The following BRINP2 variants were observed in gnomAD, a reference collection of about 807,000 sequenced individuals.
The protein encoded by BRINP2 is BMP/retinoic acid-inducible neural-specific protein 2.
A neutral mutation model predicts 69.2 loss-of-function variants in BRINP2; 21 were observed. The observed-to-expected ratio is 0.30, with a 90% CI of 0.22 to 0.44. The LOEUF is 0.44. BRINP2 is among the 20% of genes least tolerant of loss of function. BRINP2 has a pLI of 1.00. For missense variants in BRINP2, 877 were observed against 986.0 expected, an observed-to-expected ratio of 0.89 and a Z score of 1.48; for synonymous variants, 380 against 394.1, an observed-to-expected ratio of 0.96 and a Z score of 0.42.
At position 177,276,505 on chromosome 1, in the gene BRINP2, C is replaced by A. The variant is rs951827936; in HGVS notation, c.1012+71C>A. On this transcript the variant is annotated intron_variant, in intron 6 of 7. Coordinates refer to ENST00000361539, the MANE Select transcript of BRINP2 (RefSeq NM_021165.4). Reference sequence around the variant, plus strand: ...GTACAGAGCAAGAACATGGGGAGAACAAAACTTGAGAGTTGAGGATCCTCA... The same window carrying A: ...GTACAGAGCAAGAACATGGGGAGAAAAAAACTTGAGAGTTGAGGATCCTCA... The A allele has an allele frequency of 5.0e-6, 7 of 1,410,930 alleles. No homozygotes were observed. The African/African-American group carries it at 7.1e-5, about 14-fold the overall frequency. 87.4% of individuals were successfully genotyped at this position (1,410,930 alleles called of 1,614,324 possible). A position where few individuals can be genotyped will look rare whatever the true frequency, so the allele number is the denominator to read the frequency against.
At chr1:177,175,002 T>G (rs983486176) in intron 1 of BRINP2, among the ~76,000 whole-genome samples, 9 of 152,184 alleles carry the variant, frequency 5.9e-5, no homozygotes, top group African/African-American at 2.2e-4. Flanking sequence ...CAAGCAAATT[T>G]TAAGAGAACA....
intron 4 of BRINP2, among the ~76,000 whole-genome samples, chr1:177,267,395 C>T (rs1651163029): frequency 6.6e-6 from 1 of 152,204 alleles, no homozygotes; most frequent in African/African-American, 2.4e-5. Flanking sequence ...CCATACTTTT[C>T]TGTACCTCGA....
Position 177,273,586 on chromosome 1 carries a change from G to A in BRINP2, c.768G>A (p.Gln256=), listed in dbSNP as rs764420693. ...TACAGAGTCCAGAGAACAAAGTACAGTTACTTGGTAAGCAGCACTATGATG... is the reference window on the plus strand; with the variant it reads ...TACAGAGTCCAGAGAACAAAGTACAATTACTTGGTAAGCAGCACTATGATG... The part of the protein sequence containing the change: ...VLVQSPENKV[Q]LLGLQVLLPE... Residue 256 remains glutamine (Q), a synonymous_variant, in exon 5 of 8, where the codon CAG becomes CAA. Transcript: ENST00000361539. The A allele has an allele frequency of 1.3e-6, 2 of 1,578,662 alleles. No homozygotes were observed. The highest frequency in any genetic ancestry group is 1.2e-5 in the South Asian group (1 of 86,518).
rs532244642 is a variant in BRINP2, at chr1:177,280,824, A to G, written c.1648A>G (p.Met550Val). 8.1e-6 allele frequency: 13 copies of G among 1,613,954 alleles called. No individual in the cohort carries two copies. Among genetic ancestry groups the G allele is most frequent in the Non-Finnish European group, 1.0e-5 (12 of 1,179,982 alleles). ...SWFDPSWRKR[M>V]LLTLKSNKYK... The stretch of plus-strand genomic sequence containing the variant: ...GTTTGACCCTTCCTGGAGGAAGCGC[A>G]TGCTGCTCACCCTGAAGAGCAACAA... Residue 550 changes from methionine to valine, a missense_variant, in exon 8 of 8, where the codon ATG becomes GTG. Around this residue, in one of 3 missense-constraint regions of BRINP2, gnomAD observed 86 missense variants for 142.1 expected, o/e 0.61. Transcript: ENST00000361539.
At chr1:177,190,256 C>T (rs1648549635) in intron 1 of BRINP2, among the ~76,000 whole-genome samples, 1 of 152,156 alleles carries the variant, frequency 6.6e-6, no homozygotes, top group Non-Finnish European at 1.5e-5. Context: ...GAACTTGCTC[C>T]TCTTGTTTCT....
chr1:177,223,809 A>G lies in BRINP2; in HGVS notation c.-76-5992A>G, dbSNP rs190901252. Among the ~76,000 whole-genome samples the G allele has an allele frequency of 8.4e-4, 128 of 152,158 alleles. 1 individual carries two copies. Among genetic ancestry groups the G allele is most frequent in the African/African-American group, 3.0e-3 (123 of 41,512 alleles). ...CCAGCAGTGGGGAAATGCATCACCTATTGCTTGCCAGTTCCATGCCAGTCC... is the reference window on the plus strand; with the variant it reads ...CCAGCAGTGGGGAAATGCATCACCTGTTGCTTGCCAGTTCCATGCCAGTCC... On this transcript the variant is annotated intron_variant, in intron 1 of 7. Transcript: ENST00000361539.
intron 1 of BRINP2, among the ~76,000 whole-genome samples, chr1:177,184,723 G>A (rs1384691990): frequency 1.3e-5 from 2 of 150,600 alleles, no homozygotes; most frequent in Non-Finnish European, 2.9e-5. Flanking sequence ...TGTTTATGCA[G>A]TTAAAAATAA....
chr1:177,267,080 T>C (rs1006246082), intron 4 of BRINP2, among the ~76,000 whole-genome samples: 1 of 152,184 alleles, frequency 6.6e-6, no homozygotes, highest in African/African-American at 2.4e-5. Context: ...ATTTTCCACA[T>C]AGATTAGGCT....
rs1398219818 is a variant in BRINP2, at chr1:177,276,226, G to A, written c.804G>A (p.Leu268=). ...LGLQVLLPEY[L]RERFVAAALS... ...TTCAGGTGCTGCTGCCTGAGTATCT[G>A]CGTGAGCGCTTTGTAGCTGCAGCAC... is the stretch of plus-strand genomic sequence containing the variant. Residue 268 remains leucine (L), a synonymous_variant, in exon 6 of 8, where the codon CTG becomes CTA. Coordinates refer to ENST00000361539, the MANE Select transcript of BRINP2 (RefSeq NM_021165.4). The A allele has an allele frequency of 1.9e-6, 3 of 1,614,052 alleles. 1 individual carries two copies. The Middle Eastern group carries it at 5.0e-4, about 266-fold the overall frequency.
At chr1:177,220,380 A>T (rs1649490443) in intron 1 of BRINP2, among the ~76,000 whole-genome samples, 1 of 152,084 alleles carries the variant, frequency 6.6e-6, no homozygotes, top group Non-Finnish European at 1.5e-5. Context: ...TTTGGTGATA[A>T]GTGAGCTCTC....
intron 2 of BRINP2, among the ~76,000 whole-genome samples, chr1:177,236,375 A>G (rs1204438154): frequency 6.6e-6 from 1 of 152,218 alleles, no homozygotes; most frequent in African/African-American, 2.4e-5. Flanking sequence ...GAACCCTCTT[A>G]TGTGCATACA....
At chr1:177,209,064 CCGCA>C (rs1649150223) in intron 1 of BRINP2, among the ~76,000 whole-genome samples, 1 of 152,002 alleles carries the variant, frequency 6.6e-6, no homozygotes, top group Admixed American at 6.6e-5. Context: ...CTGTGTGTGA[CCGCA>C]TGGGTTGTGT....
At chr1:177,180,204 G>A (rs1032493039) in intron 1 of BRINP2, among the ~76,000 whole-genome samples, 1 of 152,148 alleles carries the variant, frequency 6.6e-6, no homozygotes, top group Admixed American at 6.5e-5. Flanking sequence ...TATGGAAACT[G>A]AGGAAGGCAA....
At chr1:177,222,613 G>C (rs1213964305) in intron 1 of BRINP2, among the ~76,000 whole-genome samples, 1 of 151,800 alleles carries the variant, frequency 6.6e-6, no homozygotes, top group Non-Finnish European at 1.5e-5. Flanking sequence ...TGGCCGGTCA[G>C]GCCAGACACC....
intron 2 of BRINP2, among the ~76,000 whole-genome samples, chr1:177,251,007 A>G (rs1650564407): frequency 6.6e-6 from 1 of 152,244 alleles, no homozygotes; most frequent in Non-Finnish European, 1.5e-5. Context: ...CCTATCACAT[A>G]CTAAAAATTC....
At chr1:177,181,274 T>C (rs752294700) in intron 1 of BRINP2, among the ~76,000 whole-genome samples, 1 of 151,872 alleles carries the variant, frequency 6.6e-6, no homozygotes, top group African/African-American at 2.4e-5. Context: ...TTTTTCCCAA[T>C]ACTCCTCAGT....
chr1:177,184,278 A>G (rs1176707690), intron 1 of BRINP2, among the ~76,000 whole-genome samples: 2 of 152,124 alleles, frequency 1.3e-5, no homozygotes, highest in African/African-American at 4.8e-5. Flanking sequence ...TTTTTTCCCC[A>G]TAATTCATCC....
Position 177,242,278 on chromosome 1 carries a change from CA to C in BRINP2, c.269+12138del, listed in dbSNP as rs200094272. 3.3e-4 allele frequency among the ~76,000 whole-genome samples: 50 copies of C among 152,234 alleles called. No homozygotes were observed. The East Asian group carries it at 8.5e-3, about 26-fold the overall frequency. On this transcript the variant is annotated intron_variant, in intron 2 of 7. Coordinates refer to ENST00000361539, the MANE Select transcript of BRINP2 (RefSeq NM_021165.4). ...AGTCCTTGTTGGTCCATCTGTCCCC[CA>C]AAAATAAAACCCAAACCCATTTTCT...
chr1:177,208,064 T>C (rs1344194601), intron 1 of BRINP2, among the ~76,000 whole-genome samples: 1 of 152,208 alleles, frequency 6.6e-6, no homozygotes, highest in Non-Finnish European at 1.5e-5. Flanking sequence ...GAAATGCTGC[T>C]TTAGAAATTA....
Sources: gnomAD v4.1 joint callset for allele counts (sites outside exome capture counted in the v4.1 genomes callset) on GRCh38, gnomAD v4.1.1 for gene constraint, gnomAD v4.1.1 regional missense constraint, MANE v1.5 for transcripts, NCBI Gene and HGNC (gene_info 2026-07-23, HGNC 2026-07-21) for gene names.